The following MAGI2 variants were observed in gnomAD, a reference collection of about 807,000 sequenced individuals.
MAGI2 encodes the protein membrane-associated guanylate kinase, WW and PDZ domain-containing protein 2.
Under a neutral mutation model 133.3 loss-of-function variants are expected in MAGI2, and 35 were observed. The ratio of observed to expected loss-of-function variants is 0.26; its 90% CI spans 0.20 to 0.35. The LOEUF is 0.35. Ranked by LOEUF, MAGI2 falls within the 10% of genes least tolerant of loss-of-function variation. The pLI is 1.00. For missense variants in MAGI2, 1,636 were observed against 1,863.4 expected (o/e 0.88, Z 2.25); for synonymous variants, 729 against 710.6 (o/e 1.03, Z -0.41).
At chr7:78,990,709 G>T (rs1805674546) in intron 2 of MAGI2, among the ~76,000 whole-genome samples, 1 of 151,954 alleles carries the variant, frequency 6.6e-6, no homozygotes, top group Non-Finnish European at 1.5e-5. Flanking sequence ...AAGGTACATT[G>T]ATATGAGATA....
In MAGI2 at chr7:78,557,216, C is replaced by T. The variant is rs547167305; in HGVS notation, c.539-35571G>A. 1.2e-4 allele frequency among the ~76,000 whole-genome samples: 18 copies of T among 152,002 alleles called. No homozygotes were observed. The South Asian group carries it at 3.8e-3, about 32-fold the overall frequency. ...TCCTAACTCAGTGATGTGAGTTTTA[C>T]CCTCTGTACTGAATTGCCAATTTCT... On this transcript the variant is annotated intron_variant, in intron 3 of 21. Transcript: ENST00000354212.
chr7:78,654,989 A>G (rs1812010772), intron 2 of MAGI2, among the ~76,000 whole-genome samples: 1 of 151,728 alleles, frequency 6.6e-6, no homozygotes, highest in Non-Finnish European at 1.5e-5. Context: ...AGCCACACCC[A>G]TAAAAATGCT....
intron 20 of MAGI2, among the ~76,000 whole-genome samples, chr7:78,104,444 A>T (rs898242424): frequency 6.6e-6 from 1 of 151,638 alleles, no homozygotes; most frequent in Non-Finnish European, 1.5e-5. Flanking sequence ...GGATGGTCTC[A>T]ATCTCCTGAC....
In MAGI2 at chr7:78,591,614, G is replaced by A. The variant is rs117816774; in HGVS notation, c.538+35506C>T. Among the ~76,000 whole-genome samples, 1,351 of 152,322 alleles carry A rather than the reference G, an allele frequency of 8.9e-3. 11 individuals are homozygous for A. The highest frequency in any genetic ancestry group is 0.013 in the Admixed American group (203 of 15,296). On this transcript the variant is annotated intron_variant, in intron 3 of 21. Transcript: ENST00000354212. ...AGCAGGACTCCCTGATCAGAATTAG[G>A]AAGGTAGTCTCTGAGTTGGAATATG...
At chr7:79,369,974 T>C (rs1339931598) in intron 1 of MAGI2, among the ~76,000 whole-genome samples, 2 of 152,132 alleles carry the variant, frequency 1.3e-5, no homozygotes, top group Non-Finnish European at 2.9e-5. Context: ...TTATATATTA[T>C]GTCTGTTTCT....
chr7:79,022,009 C>T (rs757824852), intron 1 of MAGI2, among the ~76,000 whole-genome samples: 2 of 152,144 alleles, frequency 1.3e-5, no homozygotes, highest in Non-Finnish European at 2.9e-5. Flanking sequence ...CCCCCATTTG[C>T]TCAGCAGTCA....
chr7:78,150,573 C>T (rs1174279625), intron 16 of MAGI2, among the ~76,000 whole-genome samples: 2 of 152,156 alleles, frequency 1.3e-5, no homozygotes, highest in African/African-American at 2.4e-5. Flanking sequence ...GGGGTCTCTT[C>T]GCAGTTGCAA....
In MAGI2 at chr7:79,296,953, T is replaced by A. The variant is rs1836977499; in HGVS notation, c.301+156067A>T. On this transcript the variant is annotated intron_variant, in intron 1 of 21. Transcript: ENST00000354212. ...TGTGCTAATTACTCTGATTTGACAT[T>A]ATACAGTGTAATACATGTATTGAAA... Among the ~76,000 whole-genome samples the A allele has an allele frequency of 2.0e-5, 3 of 152,202 alleles. No individual in the cohort carries two copies. In the South Asian group the frequency reaches 6.2e-4, roughly 32 times the overall value.
At chr7:79,386,404 A>G (rs971007659) in intron 1 of MAGI2, among the ~76,000 whole-genome samples, 2 of 152,094 alleles carry the variant, frequency 1.3e-5, no homozygotes, top group African/African-American at 4.8e-5. Context: ...CAGAGTATCA[A>G]ATCAAATTGT....
chr7:78,852,876 T>C (rs1793262593), intron 2 of MAGI2, among the ~76,000 whole-genome samples: 1 of 152,066 alleles, frequency 6.6e-6, no homozygotes, highest in Non-Finnish European at 1.5e-5. Context: ...CTCAAGAAAA[T>C]GGAGAGGTCC....
At chr7:78,192,522 T>A (rs1828324552) in intron 12 of MAGI2, among the ~76,000 whole-genome samples, 1 of 108,662 alleles carries the variant, frequency 9.2e-6, no homozygotes, top group African/African-American at 3.1e-5. Context: ...CAAAAGGCTG[T>A]CTTTTTTTTT....
chr7:78,112,363 T>C (rs1819442258), intron 20 of MAGI2, among the ~76,000 whole-genome samples: 1 of 152,244 alleles, frequency 6.6e-6, no homozygotes, highest in African/African-American at 2.4e-5. Context: ...GAATGTCACC[T>C]AGTTTAAGAT....
chr7:78,125,110 C>T (rs141386656), intron 20 of MAGI2, among the ~76,000 whole-genome samples: 4,838 of 152,060 alleles, frequency 0.032, 109 homozygotes, highest in Non-Finnish European at 0.048. Flanking sequence ...GTGATCCTCC[C>T]GCCTCAGCCT....
At chr7:79,447,264 A>G (rs1848920172) in intron 1 of MAGI2, among the ~76,000 whole-genome samples, 1 of 152,160 alleles carries the variant, frequency 6.6e-6, no homozygotes, top group Admixed American at 6.5e-5. Flanking sequence ...AAATTCAGCA[A>G]TTATTATATT....
intron 1 of MAGI2, among the ~76,000 whole-genome samples, chr7:79,293,358 T>TA (rs1836653306): frequency 6.6e-6 from 1 of 152,230 alleles, no homozygotes; most frequent in African/African-American, 2.4e-5. Flanking sequence ...TACAAGTATA[T>TA]AAAAATTTCC....
chr7:78,573,035 G>GTATATATATATATATATA (rs765938732), intron 3 of MAGI2, among the ~76,000 whole-genome samples: 1 of 31,678 alleles, frequency 3.2e-5, no homozygotes, highest in Non-Finnish European at 5.3e-5. Context: ...GCATATGTAT[G>GTATATATATATATATATA]TATATATATA....
intron 1 of MAGI2, among the ~76,000 whole-genome samples, chr7:79,207,395 A>T (rs1423198328): frequency 1.3e-5 from 2 of 152,038 alleles, no homozygotes; most frequent in Non-Finnish European, 1.5e-5. Context: ...ATTAATATTT[A>T]AAAATCAGTA....
chr7:78,771,093 C>G (rs1825542863), intron 2 of MAGI2: 2 of 152,246 alleles, frequency 1.3e-5, no homozygotes, highest in African/African-American at 4.8e-5. Context: ...TTTCCCTCCT[C>G]TCAAAGATGA....
chr7:78,595,949 G>A (rs1373549486), intron 3 of MAGI2, among the ~76,000 whole-genome samples: 3 of 152,036 alleles, frequency 2.0e-5, no homozygotes, highest in Non-Finnish European at 2.9e-5. Flanking sequence ...CTCTCTTTTG[G>A]TAGATTTTGA....
Sources: allele counts gnomAD v4.1 joint callset (sites outside exome capture counted in the v4.1 genomes callset), GRCh38; gene constraint gnomAD v4.1.1; transcripts MANE v1.5; gene names NCBI Gene and HGNC (gene_info 2026-07-23, HGNC 2026-07-21).